The following CSGALNACT1 variants were observed in gnomAD, a reference collection of about 807,000 sequenced individuals.
CSGALNACT1 encodes beta4GalNAcT-1.
Under a neutral mutation model 51.0 loss-of-function variants are expected in CSGALNACT1, and 52 were observed. That is an observed-to-expected ratio of 1.02 (90% CI 0.82 to 1.29). The LOEUF is 1.29. Ranked by LOEUF, CSGALNACT1 falls within the 50% of genes most tolerant of loss-of-function variation. The probability of loss-of-function intolerance (pLI) is 0.00; values close to 1 mark genes in which losing one functional copy is unlikely to be tolerated. For missense variants in CSGALNACT1, 935 were observed against 679.2 expected (o/e 1.38, Z -4.19); for synonymous variants, 341 against 254.4 (o/e 1.34, Z -3.24).
intron 3 of CSGALNACT1, among the ~76,000 whole-genome samples, chr8:19,561,300 C>T (rs1050796804): frequency 1.3e-5 from 2 of 152,098 alleles, no homozygotes; most frequent in East Asian, 3.8e-4. Context: ...CATTTTTGTA[C>T]ATATTTTTGG....
At chr8:19,456,326 G>A (rs1348141987) in intron 5 of CSGALNACT1, among the ~76,000 whole-genome samples, 1 of 152,176 alleles carries the variant, frequency 6.6e-6, no homozygotes, top group East Asian at 1.9e-4. Context: ...ACCTCAGCAA[G>A]CCTAACATGT....
chr8:19,622,368 C>T (rs1314570345), intron 1 of CSGALNACT1, among the ~76,000 whole-genome samples: 1 of 152,114 alleles, frequency 6.6e-6, no homozygotes, highest in Non-Finnish European at 1.5e-5. Flanking sequence ...GTGTACTTGA[C>T]CCAGATCTTA....
intron 6 of CSGALNACT1, among the ~76,000 whole-genome samples, chr8:19,429,564 C>T (rs191416156): frequency 2.0e-5 from 3 of 151,998 alleles, no homozygotes; most frequent in Non-Finnish European, 4.4e-5. Flanking sequence ...GTACTTCATT[C>T]TCTTTATGTC....
At chr8:19,618,653 A>AAAAGAAAGAAAGAAAG (rs71545557) in intron 1 of CSGALNACT1, among the ~76,000 whole-genome samples, 8 of 91,394 alleles carry the variant, frequency 8.8e-5, no homozygotes, top group African/African-American at 4.0e-4. Context: ...AAAAAAAAAA[A>AAAAGAAAGAAAGAAAG]AAAGAAAGAA....
chr8:19,484,064 T>C (rs1357765208), intron 4 of CSGALNACT1, among the ~76,000 whole-genome samples: 3 of 152,092 alleles, frequency 2.0e-5, no homozygotes, highest in Non-Finnish European at 4.4e-5. Flanking sequence ...CAAACAGCCC[T>C]CCCTCCACCC....
rs886526762 is a variant in CSGALNACT1, at chr8:19,710,646, GA to G, written c.-297+47203del. ...ATTACTCTCTGTACTTTTCTGGATG[GA>G]AAAAAAAAGAAATGAGAACATGTTT... is the stretch of plus-strand genomic sequence containing the variant. On this transcript the variant is annotated intron_variant, in intron 1 of 1. Coordinates refer to the CSGALNACT1 transcript ENST00000517494. 2.7e-4 allele frequency among the ~76,000 whole-genome samples: 40 copies of G among 150,534 alleles called. 1 individual carries two copies. The East Asian group carries it at 6.8e-3, about 26-fold the overall frequency.
chr8:19,607,699 A>G (rs1226288453), intron 1 of CSGALNACT1, among the ~76,000 whole-genome samples: 1 of 152,206 alleles, frequency 6.6e-6, no homozygotes, highest in African/African-American at 2.4e-5. Flanking sequence ...CCAGAACACA[A>G]AATTTGGCTT....
chr8:19,532,506 G>A (rs2082967261), intron 3 of CSGALNACT1, among the ~76,000 whole-genome samples: 1 of 152,084 alleles, frequency 6.6e-6, no homozygotes, highest in South Asian at 2.1e-4. Flanking sequence ...TCCCTAACCA[G>A]TCTTCCCACT....
chr8:19,608,110 T>C (rs976544725), intron 1 of CSGALNACT1, among the ~76,000 whole-genome samples: 6 of 152,216 alleles, frequency 3.9e-5, no homozygotes, highest in African/African-American at 7.2e-5. Flanking sequence ...TCACCTCTCA[T>C]TGTGGCCTTT....
rs193106781 is a variant in CSGALNACT1, at chr8:19,554,849, C to T, written c.-297+36311G>A. 9.4e-4 allele frequency among the ~76,000 whole-genome samples: 143 copies of T among 152,094 alleles called. 4 individuals are homozygous for T. The East Asian group carries it at 0.026, about 28-fold the overall frequency. The stretch of plus-strand genomic sequence containing the variant: ...AGGATAATCACTTGAACCTGGGAGG[C>T]GGCAGTTGCAGTGAGCCAAGATCCC... On this transcript the variant is annotated intron_variant, in intron 3 of 9. Transcript: ENST00000454498.
intron 3 of CSGALNACT1, among the ~76,000 whole-genome samples, 170 bp from the exon 3 acceptor site, chr8:19,506,300 C>T (rs534005266): frequency 2.0e-5 from 3 of 152,290 alleles, no homozygotes; most frequent in African/African-American, 7.2e-5. Context: ...CGCACATCTG[C>T]AGTGTAACGC....
At chr8:19,485,607 C>T (rs777411808) in intron 4 of CSGALNACT1, among the ~76,000 whole-genome samples, 69 of 152,034 alleles carry the variant, frequency 4.5e-4, no homozygotes, top group Non-Finnish European at 7.6e-4. Flanking sequence ...TTACTAGGTA[C>T]AGAACAAAGA....
chr8:19,605,237 G>A (rs929758572), upstream of CSGALNACT1, among the ~76,000 whole-genome samples: 1 of 152,022 alleles, frequency 6.6e-6, no homozygotes, highest in African/African-American at 2.4e-5. Context: ...AAATTCTTAT[G>A]TCAGCCTGGC....
At chr8:19,538,230 C>G (rs928123353) in intron 3 of CSGALNACT1, among the ~76,000 whole-genome samples, 1 of 152,118 alleles carries the variant, frequency 6.6e-6, no homozygotes, top group Non-Finnish European at 1.5e-5. Context: ...ACTTGAAAGG[C>G]TGAGGCAGGA....
At chr8:19,715,163 T>A (rs2062733428) in intron 1 of CSGALNACT1, among the ~76,000 whole-genome samples, 1 of 152,154 alleles carries the variant, frequency 6.6e-6, no homozygotes, top group Admixed American at 6.5e-5. Context: ...TGGAAACCCC[T>A]GATAAAACCA....
exon 1 of CSGALNACT1, chr8:19,602,289 C>A (rs964433894): frequency 6.4e-6 from 1 of 156,688 alleles, no homozygotes; most frequent in Non-Finnish European, 1.4e-5. Flanking sequence ...AGTGCTGCCC[C>A]CCTCTGCAAG....
intron 1 of CSGALNACT1, among the ~76,000 whole-genome samples, chr8:19,610,085 G>C (rs886879477): frequency 1.3e-5 from 2 of 151,596 alleles, no homozygotes; most frequent in African/African-American, 4.9e-5. Flanking sequence ...AGCCGGGCGT[G>C]GTTGAGGGTG....
chr8:19,736,706 T>C (rs1489542789), intron 1 of CSGALNACT1, among the ~76,000 whole-genome samples: 2 of 152,002 alleles, frequency 1.3e-5, no homozygotes, highest in African/African-American at 4.8e-5. Context: ...CTGAAAAAAT[T>C]ACCCAGCGAA....
intron 6 of CSGALNACT1, among the ~76,000 whole-genome samples, 172 bp downstream of exon 5, chr8:19,439,658 T>C (rs752112436): frequency 3.9e-5 from 6 of 152,228 alleles, no homozygotes; most frequent in Non-Finnish European, 8.8e-5. Flanking sequence ...GACAGGGTAG[T>C]CTCCTGCGGA....
Sources: gnomAD v4.1 joint callset for allele counts (sites outside exome capture counted in the v4.1 genomes callset) on GRCh38, gnomAD v4.1.1 for gene constraint, MANE v1.5 for transcripts, NCBI Gene and HGNC (gene_info 2026-07-23, HGNC 2026-07-21) for gene names.